The following RGP1 variants were observed in gnomAD, a reference collection of about 807,000 sequenced individuals.
The protein encoded by RGP1 is RGP1 partner of RAB6A GEF complex, also known as RAB6A-GEF complex partner protein 2.
In RGP1, 28 loss-of-function variants were observed where a neutral mutation model predicts 44.5. That is an observed-to-expected ratio of 0.63 (90% confidence interval 0.47 to 0.86). RGP1 has a LOEUF of 0.86. Ranked by LOEUF, RGP1 falls within the 40% of genes least tolerant of loss-of-function variation. The probability of loss-of-function intolerance (pLI) is 0.00; values close to 1 mark genes in which losing one functional copy is unlikely to be tolerated. For synonymous variants in RGP1, 212 were observed against 196.7 expected, an observed-to-expected ratio of 1.08 and a Z score of -0.65; for missense variants, 417 against 490.7, an observed-to-expected ratio of 0.85 and a Z score of 1.42.
At chr9:35,777,610 C>T in the RGP1 span, among the ~76,000 whole-genome samples, 3 of 152,146 alleles carry the variant, frequency 2.0e-5, no homozygotes, top group Admixed American at 6.5e-5. Context: ...TGAGCCAACG[C>T]GCCCAGCCTG....
rs1402011090 is a variant in RGP1, at chr9:35,755,018, T to C, written c.*2144T>C. 2 of 151,878 alleles carry C rather than the reference T, an allele frequency of 1.3e-5. No individual in the cohort carries two copies. Among genetic ancestry groups the C allele is most frequent in the Non-Finnish European group, 2.9e-5 (2 of 67,938 alleles). The allele number at this position is 151,878 out of a possible 1,614,324, so 9.4% of individuals were successfully genotyped here. On this transcript the variant is annotated 3_prime_UTR_variant, in exon 9 of 9. Transcript: ENST00000378078. ...CTCTTTCCTCCCATATATAATGGAGTGAGGTTTTTAGGAATTTATCATTTG... is the reference window on the plus strand; with the variant it reads ...CTCTTTCCTCCCATATATAATGGAGCGAGGTTTTTAGGAATTTATCATTTG...
chr9:35,762,976 G>A (rs2132044068), downstream of RGP1, among the ~76,000 whole-genome samples: 2 of 152,238 alleles, frequency 1.3e-5, no homozygotes, highest in Middle Eastern at 6.8e-3. Flanking sequence ...GTAAATTTCA[G>A]AGCTGGGATT....
the RGP1 span, chr9:35,786,755 A>G: frequency 5.3e-5 from 8 of 152,196 alleles, no homozygotes; most frequent in Admixed American, 5.2e-4. Context: ...CTGTTTGTCT[A>G]AAAAACATAT....
At chr9:35,789,846 T>C in the RGP1 span, among the ~76,000 whole-genome samples, 1 of 152,322 alleles carries the variant, frequency 6.6e-6, no homozygotes, top group Non-Finnish European at 1.5e-5. Context: ...AATCTCTCTT[T>C]TGCAACTAAA....
chr9:35,786,993 G>C, the RGP1 span, among the ~76,000 whole-genome samples: 27 of 151,560 alleles, frequency 1.8e-4, no homozygotes, highest in African/African-American at 6.0e-4. Context: ...CCAGCTACTC[G>C]GGAGGCTGAG....
chr9:35,772,740 G>A, the RGP1 span, among the ~76,000 whole-genome samples: 9 of 149,930 alleles, frequency 6.0e-5, no homozygotes, highest in East Asian at 3.9e-4. Context: ...GCAGTGAGCC[G>A]AGATCGGACC....
chr9:35,751,357 G>T lies in RGP1; in HGVS notation c.579G>T (p.Trp193Cys), dbSNP rs903318401. Reference protein sequence around the residue: ...EEDEGGKKDSWLAELAGERLM... With the variant: ...EEDEGGKKDSCLAELAGERLM... ...ATGAAGGTGGGAAGAAAGATTCATG[G>T]CTAGCTGAGCTGGCTGGGGAACGCC... The change falls in exon 6 of 9, where the codon TGG becomes TGT. Residue 193 changes from tryptophan (W) to cysteine (C), a missense_variant. Transcript: ENST00000378078. 1.2e-6 allele frequency: 2 copies of T among 1,613,984 alleles called. No homozygotes were observed. The highest frequency in any genetic ancestry group is 1.7e-6 in the Non-Finnish European group (2 of 1,179,896).
In RGP1 at chr9:35,753,863, C is replaced by T; in HGVS notation, c.*989C>T. The T allele has an allele frequency of 1.3e-6, 2 of 1,512,166 alleles. No homozygotes were observed. Among genetic ancestry groups the T allele is most frequent in the Non-Finnish European group, 1.8e-6 (2 of 1,101,994 alleles). 93.7% of individuals were successfully genotyped at this position (1,512,166 alleles called of 1,614,324 possible). On this transcript the variant is annotated 3_prime_UTR_variant, in exon 9 of 9. Transcript: ENST00000378078. The surrounding 1 kb of genome is among the most constrained non-coding windows in gnomAD (Gnocchi z 4.2). ...GGTGGAGACAGTAAGTACGCACTAT[C>T]CCCGTATTTAGTTTGTCTTTCCTGT...
At position 35,755,958 on chromosome 9, in the gene RGP1, TA is replaced by T. The variant is rs1212566591; in HGVS notation, c.*3085del. On this transcript the variant is annotated 3_prime_UTR_variant, in exon 9 of 9. Transcript: ENST00000378078. ...TCCCCCAGATCTGCACCCTCGCCTC[TA>T]CCCTAGGACAAGATGTCCTTTTCTC... The T allele has an allele frequency of 6.6e-6, 1 of 152,280 alleles. No individual in the cohort carries two copies. The highest frequency in any genetic ancestry group is 1.5e-5 in the Non-Finnish European group (1 of 68,068). The allele number at this position is 152,280 out of a possible 1,614,324, so 9.4% of individuals were successfully genotyped here.
At chr9:35,771,644 A>G in the RGP1 span, among the ~76,000 whole-genome samples, 71 of 152,330 alleles carry the variant, frequency 4.7e-4, no homozygotes, top group African/African-American at 1.7e-3. Flanking sequence ...TCTGATTGGA[A>G]GAGAAGGGAG....
At chr9:35,787,284 C>G in the RGP1 span, among the ~76,000 whole-genome samples, 3 of 151,938 alleles carry the variant, frequency 2.0e-5, no homozygotes, top group African/African-American at 7.3e-5. Context: ...GGCTGGAGTG[C>G]AGAGGTGCAG....
the RGP1 span, among the ~76,000 whole-genome samples, chr9:35,774,074 C>T: frequency 6.6e-6 from 1 of 152,304 alleles, no homozygotes; most frequent in African/African-American, 2.4e-5. Context: ...AAACTTTATT[C>T]TCTGATGATA....
chr9:35,787,396 A>G, the RGP1 span, among the ~76,000 whole-genome samples: 1 of 151,952 alleles, frequency 6.6e-6, no homozygotes, highest in Non-Finnish European at 1.5e-5. Context: ...CGCCCAGGTA[A>G]TTTTTGTATT....
the RGP1 span, among the ~76,000 whole-genome samples, chr9:35,771,064 T>C: frequency 6.6e-6 from 1 of 152,184 alleles, no homozygotes; most frequent in African/African-American, 2.4e-5. Context: ...CTGAACTTAA[T>C]TTTTTTCTCT....
rs7046833 is a variant in RGP1 at position 35,756,909 on chromosome 9, G to T, written c.*4035G>T. On this transcript the variant is annotated 3_prime_UTR_variant, in exon 9 of 9. Coordinates refer to ENST00000378078, the MANE Select transcript of RGP1 (RefSeq NM_001080496.3). ...AAAGCTAGAGGCTGGGCTGAGCCAG[G>T]AGTCCTCTCCCAGAAGTTGGGGGGC... 5,483 of 152,912 alleles carry T rather than the reference G, an allele frequency of 0.036. 311 individuals carry two copies. Among genetic ancestry groups the T allele is most frequent in the African/African-American group, 0.13 (5,215 of 41,528 alleles). The allele number at this position is 152,912 out of a possible 1,614,324, so 9.5% of individuals were successfully genotyped here.
At chr9:35,783,027 T>C in the RGP1 span, among the ~76,000 whole-genome samples, 2 of 151,876 alleles carry the variant, frequency 1.3e-5, no homozygotes, top group African/African-American at 2.4e-5. Context: ...CGGGCTGGTC[T>C]CTAACTCCCA....
the RGP1 span, among the ~76,000 whole-genome samples, chr9:35,764,986 CGTG>C: frequency 6.6e-6 from 1 of 152,068 alleles, no homozygotes; most frequent in Middle Eastern, 3.4e-3. Flanking sequence ...ACTAGCCAGG[CGTG>C]GTGGTGCACA....
chr9:35,759,317 C>A (rs1369053904), downstream of RGP1, among the ~76,000 whole-genome samples: 2 of 152,082 alleles, frequency 1.3e-5, no homozygotes, highest in Admixed American at 6.6e-5. Context: ...GTAATCCCAA[C>A]ATTTGGGGAG....
chr9:35,782,961 A>G, the RGP1 span, among the ~76,000 whole-genome samples: 1 of 151,298 alleles, frequency 6.6e-6, no homozygotes, highest in South Asian at 2.1e-4. Context: ...GGCATGTGCC[A>G]CCATTCCTGG....
Sources: gnomAD v4.1 joint callset for allele counts (sites outside exome capture counted in the v4.1 genomes callset) on GRCh38, gnomAD v4.1.1 for gene constraint, Gnocchi (gnomAD v3.1) non-coding constraint, MANE v1.5 for transcripts, NCBI Gene and HGNC (gene_info 2026-07-23, HGNC 2026-07-21) for gene names.